MICU1: variants seen among roughly 807,000 people sequenced by gnomAD.
MICU1 encodes the protein calcium uptake protein 1, mitochondrial.
A neutral mutation model predicts 56.8 loss-of-function variants in MICU1; 45 were observed. The observed-to-expected ratio is 0.79, with a 90% CI of 0.62 to 1.02. The LOEUF (loss-of-function observed/expected upper bound fraction) is 1.02, where lower values mean the gene tolerates loss of function less well. MICU1 is among the 50% of genes least tolerant of loss of function. The probability of loss-of-function intolerance (pLI) is 0.00; values close to 1 mark genes in which losing one functional copy is unlikely to be tolerated. For missense variants in MICU1, 504 were observed against 587.1 expected, an observed-to-expected ratio of 0.86 and a Z score of 1.46; for synonymous variants, 186 against 195.1, an observed-to-expected ratio of 0.95 and a Z score of 0.39.
At chr10:72,437,733 G>A (rs1864779537) in intron 8 of MICU1, among the ~76,000 whole-genome samples, 2 of 152,132 alleles carry the variant, frequency 1.3e-5, no homozygotes, top group South Asian at 4.1e-4. Context: ...ACAAAAAAAA[G>A]CAGTGGTTGC....
At chr10:72,387,219 G>C (rs1862920055) in intron 10 of MICU1, among the ~76,000 whole-genome samples, 1 of 152,144 alleles carries the variant, frequency 6.6e-6, no homozygotes, top group Non-Finnish European at 1.5e-5. Context: ...TGAACCCTTA[G>C]AGATACTTAT....
intron 1 of MICU1, among the ~76,000 whole-genome samples, chr10:72,595,401 A>C (rs1841349290): frequency 6.7e-6 from 1 of 150,080 alleles, no homozygotes; most frequent in African/African-American, 2.5e-5. Flanking sequence ...GCAGTGAGCC[A>C]AGATCGCATC....
rs188531213 is a variant in MICU1 at position 72,408,750 on chromosome 10, C to T, written c.1072-713G>A. 1.0e-3 allele frequency among the ~76,000 whole-genome samples: 157 copies of T among 152,330 alleles called. 1 individual carries two copies. The highest frequency in any genetic ancestry group is 0.01 in the Middle Eastern group (3 of 294). On this transcript the variant is annotated intron_variant, in intron 9 of 11. Transcript: ENST00000361114. ...AGGACTTCCAGTTTAATAGTCTGCT[C>T]ACAGGCCAGCTGAGCTTTTTGAGGC...
chr10:72,477,957 C>T (rs574223903), intron 6 of MICU1, among the ~76,000 whole-genome samples: 1 of 152,020 alleles, frequency 6.6e-6, no homozygotes, highest in Non-Finnish European at 1.5e-5. Context: ...CAACCTCCGC[C>T]TCCAGGGTTG....
At chr10:72,579,853 C>T (rs1190186282) in intron 1 of MICU1, among the ~76,000 whole-genome samples, 1 of 151,484 alleles carries the variant, frequency 6.6e-6, no homozygotes, top group African/African-American at 2.4e-5. Context: ...GTATAAGGTG[C>T]ATATGAAACA....
intron 6 of MICU1, among the ~76,000 whole-genome samples, chr10:72,491,207 A>T (rs1380434115): frequency 6.6e-6 from 1 of 152,246 alleles, no homozygotes; most frequent in Non-Finnish European, 1.5e-5. Context: ...TTATTTTGCA[A>T]TAAGCCCCAA....
intron 1 of MICU1, among the ~76,000 whole-genome samples, chr10:72,614,946 G>A (rs1230932648): frequency 6.6e-6 from 1 of 152,120 alleles, no homozygotes; most frequent in Non-Finnish European, 1.5e-5. Flanking sequence ...GAAAATTGAC[G>A]ATTTTGACCA....
intron 8 of MICU1, among the ~76,000 whole-genome samples, chr10:72,464,182 G>C (rs554996807): frequency 1.7e-4 from 25 of 151,398 alleles, no homozygotes; most frequent in Admixed American, 1.5e-3. Context: ...TGTAATCCCA[G>C]CTACTAAGGA....
intron 10 of MICU1, among the ~76,000 whole-genome samples, chr10:72,395,191 A>G (rs547982795): frequency 8.6e-5 from 13 of 151,858 alleles, no homozygotes; most frequent in African/African-American, 2.7e-4. Flanking sequence ...AAATTTTTGT[A>G]TTTTCAGTAG....
chr10:72,623,130 G>A (rs966462435), intron 1 of MICU1, among the ~76,000 whole-genome samples: 27 of 151,714 alleles, frequency 1.8e-4, no homozygotes, highest in African/African-American at 5.6e-4. Flanking sequence ...TTAGCCGGGC[G>A]TGGTGGCGCA....
intron 10 of MICU1, among the ~76,000 whole-genome samples, chr10:72,394,855 C>G (rs955077242): frequency 6.6e-6 from 1 of 152,008 alleles, no homozygotes; most frequent in Non-Finnish European, 1.5e-5. Context: ...ATGTATCTAT[C>G]TGTTAACAGC....
chr10:72,602,422 G>A (rs1291267315), intron 1 of MICU1, among the ~76,000 whole-genome samples: 1 of 151,668 alleles, frequency 6.6e-6, no homozygotes, highest in Non-Finnish European at 1.5e-5. Context: ...CTGTACTCCA[G>A]CCTGGGCAAC....
intron 8 of MICU1, among the ~76,000 whole-genome samples, chr10:72,444,728 C>A (rs987157558): frequency 6.6e-6 from 1 of 152,188 alleles, no homozygotes; most frequent in Non-Finnish European, 1.5e-5. Flanking sequence ...GGATTACAGG[C>A]GTGAGCCACC....
intron 1 of MICU1, among the ~76,000 whole-genome samples, chr10:72,619,982 T>C (rs3000967): frequency 0.46 from 70,095 of 151,936 alleles, 20,216 homozygotes; most frequent in Non-Finnish European, 0.67. Flanking sequence ...TTGTGCTATA[T>C]TACAGTGCTG....
At chr10:72,535,035 A>AT (rs1466059359) in intron 4 of MICU1, among the ~76,000 whole-genome samples, 4,826 of 55,280 alleles carry the variant, frequency 0.087, 189 homozygotes, top group African/African-American at 0.14. Flanking sequence ...ATTTTATTTT[A>AT]TTTATTTATT....
At chr10:72,386,557 A>ATT (rs34210330) in intron 10 of MICU1, among the ~76,000 whole-genome samples, 4,332 of 120,134 alleles carry the variant, frequency 0.036, 180 homozygotes, top group African/African-American at 0.077. Flanking sequence ...CCCGCCACCT[A>ATT]TTTTTTTTTT....
chr10:72,490,647 T>G (rs1866623946), intron 6 of MICU1, among the ~76,000 whole-genome samples: 1 of 152,174 alleles, frequency 6.6e-6, no homozygotes, highest in Non-Finnish European at 1.5e-5. Context: ...CTAGCTTGTC[T>G]GACCCAACTA....
chr10:72,426,879 A>T (rs905893707), intron 8 of MICU1, among the ~76,000 whole-genome samples: 1 of 152,172 alleles, frequency 6.6e-6, no homozygotes, highest in Non-Finnish European at 1.5e-5. Flanking sequence ...TTGTGGGAGG[A>T]TCTTTTGAGG....
chr10:72,487,809 G>A (rs368843959), intron 6 of MICU1, among the ~76,000 whole-genome samples: 2 of 152,088 alleles, frequency 1.3e-5, no homozygotes, highest in African/African-American at 2.4e-5. Context: ...GTCATTAGAC[G>A]TCCACTTTAC....
Sources: gnomAD v4.1 joint callset for allele counts (sites outside exome capture counted in the v4.1 genomes callset) on GRCh38, gnomAD v4.1.1 for gene constraint, MANE v1.5 for transcripts, NCBI Gene and HGNC (gene_info 2026-07-23, HGNC 2026-07-21) for gene names.